The following PCDH9 variants were observed in gnomAD, a reference collection of about 807,000 sequenced individuals.
The protein encoded by PCDH9 is protocadherin 9, also known as protocadherin-9.
A neutral mutation model predicts 70.6 loss-of-function variants in PCDH9; 24 were observed. The observed-to-expected ratio is 0.34, with a 90% CI of 0.25 to 0.48. PCDH9 has a LOEUF of 0.48. Ranked by LOEUF, PCDH9 falls within the 20% of genes least tolerant of loss-of-function variation. The pLI, the probability that PCDH9 is intolerant of heterozygous loss-of-function variation, is 0.99. For missense variants in PCDH9, 1,281 were observed against 1,503.6 expected (o/e 0.85, Z 2.45); for synonymous variants, 562 against 558.5 (o/e 1.01, Z -0.09).
At chr13:66,311,226 T>C (rs1480740468) in intron 4 of PCDH9, among the ~76,000 whole-genome samples, 1 of 152,096 alleles carries the variant, frequency 6.6e-6, no homozygotes, top group Non-Finnish European at 1.5e-5. Flanking sequence ...TAATAAAATT[T>C]CGGGGAAACA....
chr13:66,577,719 T>A (rs905308524), intron 4 of PCDH9, among the ~76,000 whole-genome samples: 8 of 152,046 alleles, frequency 5.3e-5, no homozygotes, highest in African/African-American at 1.9e-4. Context: ...GTTTTTCAGT[T>A]CCACTTGAGT....
chr13:67,041,830 CAAAAA>C (rs61557179), intron 2 of PCDH9, among the ~76,000 whole-genome samples: 2 of 109,858 alleles, frequency 1.8e-5, no homozygotes, highest in Non-Finnish European at 3.8e-5. Flanking sequence ...GACTCTGTCT[CAAAAA>C]AAAAAAAAAA....
intron 4 of PCDH9, among the ~76,000 whole-genome samples, chr13:66,519,524 A>G: frequency 6.6e-6 from 1 of 152,100 alleles, no homozygotes; most frequent in East Asian, 1.9e-4. Context: ...CTCAACTTCC[A>G]TATACGAAAA....
intron 4 of PCDH9, among the ~76,000 whole-genome samples, chr13:66,316,920 G>A (rs147742643): frequency 3.9e-5 from 6 of 151,972 alleles, no homozygotes; most frequent in African/African-American, 1.4e-4. Context: ...ATGGGGTTTC[G>A]CCATGTTGGT....
At chr13:66,890,957 C>A (rs2139566120) in intron 3 of PCDH9, among the ~76,000 whole-genome samples, 1 of 152,142 alleles carries the variant, frequency 6.6e-6, no homozygotes, top group East Asian at 1.9e-4. Flanking sequence ...TACTTAATGT[C>A]TTCCTTCAAT....
chr13:66,775,446 G>T (rs1340791375), intron 3 of PCDH9, among the ~76,000 whole-genome samples: 1 of 152,074 alleles, frequency 6.6e-6, no homozygotes, highest in Non-Finnish European at 1.5e-5. Context: ...TTTGACTCTG[G>T]ACAACACAGG....
chr13:66,479,560 G>A (rs1325519932), intron 4 of PCDH9, among the ~76,000 whole-genome samples: 1 of 152,156 alleles, frequency 6.6e-6, no homozygotes, highest in African/African-American at 2.4e-5. Context: ...TTCCTGGGTC[G>A]AGTGGGGACT....
intron 2 of PCDH9, chr13:67,217,924 A>G (rs1450661499): frequency 6.6e-6 from 1 of 152,070 alleles, no homozygotes; most frequent in Non-Finnish European, 1.5e-5. Context: ...AAATCAGTCC[A>G]TTGTAAGGCA....
chr13:66,795,035 T>C (rs1594071058), intron 3 of PCDH9, among the ~76,000 whole-genome samples: 1 of 151,224 alleles, frequency 6.6e-6, no homozygotes, highest in Admixed American at 6.6e-5. Context: ...GAGGAGATTG[T>C]GTTAAATGCC....
At chr13:66,444,072 A>G (rs957187513) in intron 4 of PCDH9, among the ~76,000 whole-genome samples, 1 of 152,040 alleles carries the variant, frequency 6.6e-6, no homozygotes, top group Non-Finnish European at 1.5e-5. Flanking sequence ...TGATCCTATA[A>G]TCTGTTAATA....
intron 2 of PCDH9, among the ~76,000 whole-genome samples, chr13:66,908,275 A>G (rs1216890180): frequency 6.6e-6 from 1 of 152,132 alleles, no homozygotes; most frequent in African/African-American, 2.4e-5. Context: ...TTCTTGTTTC[A>G]TTTATGTACT....
intron 4 of PCDH9, among the ~76,000 whole-genome samples, chr13:66,421,471 A>G (rs1160733721): frequency 6.6e-6 from 1 of 151,576 alleles, no homozygotes; most frequent in Non-Finnish European, 1.5e-5. Context: ...AGACTAACAG[A>G]AGCCCTACAA....
chr13:67,065,246 T>C (rs2085624103), intron 2 of PCDH9, among the ~76,000 whole-genome samples: 1 of 152,208 alleles, frequency 6.6e-6, no homozygotes, highest in Non-Finnish European at 1.5e-5. Context: ...TTCTCTGCCA[T>C]GGCTGAGCAT....
At chr13:66,344,423 G>A (rs754950307) in intron 4 of PCDH9, among the ~76,000 whole-genome samples, 2 of 152,136 alleles carry the variant, frequency 1.3e-5, no homozygotes, top group Non-Finnish European at 2.9e-5. Flanking sequence ...ACCATGCCCG[G>A]CCAATAAAGT....
chr13:66,679,837 G>C (rs190983817), intron 3 of PCDH9, among the ~76,000 whole-genome samples: 6 of 151,942 alleles, frequency 3.9e-5, no homozygotes, highest in Admixed American at 3.9e-4. Context: ...TGACTCACCT[G>C]ATATATGGCA....
intron 2 of PCDH9, among the ~76,000 whole-genome samples, chr13:67,168,435 A>C (rs150989336): frequency 3.3e-3 from 500 of 152,278 alleles, no homozygotes; most frequent in African/African-American, 0.011. Context: ...AAAAAGTGGT[A>C]AGAAAGGTCA....
intron 3 of PCDH9, among the ~76,000 whole-genome samples, chr13:66,857,698 A>C (rs1281321573): frequency 6.6e-6 from 1 of 152,118 alleles, no homozygotes; most frequent in Non-Finnish European, 1.5e-5. Context: ...TAATCATCCC[A>C]TTCCGACTAA....
At chr13:67,172,510 CA>C (rs2088316902) in intron 2 of PCDH9, among the ~76,000 whole-genome samples, 1 of 152,040 alleles carries the variant, frequency 6.6e-6, no homozygotes, top group Non-Finnish European at 1.5e-5. Flanking sequence ...TGGGACTATT[CA>C]AATTTGAGGG....
intron 2 of PCDH9, among the ~76,000 whole-genome samples, chr13:67,104,111 T>C (rs920195260): frequency 3.9e-5 from 6 of 152,252 alleles, no homozygotes; most frequent in African/African-American, 1.4e-4. Flanking sequence ...ATGGAGTTCA[T>C]GAGACTCATA....
Sources: gnomAD v4.1 joint callset for allele counts (sites outside exome capture counted in the v4.1 genomes callset) on GRCh38, gnomAD v4.1.1 for gene constraint, MANE v1.5 for transcripts, NCBI Gene and HGNC (gene_info 2026-07-23, HGNC 2026-07-21) for gene names.